The following LINGO2 variants were observed in gnomAD, a reference collection of about 807,000 sequenced individuals.
The protein encoded by LINGO2 is leucine rich repeat and Ig domain containing 2.
A neutral mutation model predicts 30.6 loss-of-function variants in LINGO2; 14 were observed. The ratio of observed to expected loss-of-function variants is 0.46; its 90% confidence interval spans 0.30 to 0.72. The LOEUF (loss-of-function observed/expected upper bound fraction) is 0.72, where lower values mean the gene tolerates loss of function less well. Among genes scored for constraint, LINGO2 ranks in the 30% least tolerant of loss-of-function variants. LINGO2 has a pLI of 0.07. For synonymous variants in LINGO2, 317 were observed against 288.5 expected (o/e 1.10, Z -1.00); for missense variants, 729 against 751.7 (o/e 0.97, Z 0.35).
Position 28,233,139 on chromosome 9 carries a change from C to CTG in LINGO2, c.-87+62067_-87+62068dup, listed in dbSNP as rs141778131. The stretch of plus-strand genomic sequence containing the variant: ...GTCTATGTGTGTGTGTATGTGTGGT[C>CTG]TGTGTGTGTGTGTGTGCGTATCTGT... On this transcript the variant is annotated intron_variant, in intron 4 of 5. Transcript: ENST00000379992. Among the ~76,000 whole-genome samples the CTG allele has an allele frequency of 6.0e-4, 82 of 137,644 alleles. 1 individual carries two copies. Among genetic ancestry groups the CTG allele is most frequent in the African/African-American group, 1.7e-3 (62 of 35,756 alleles). The allele number at this position is 137,644 out of a possible 152,430, so 90.3% of individuals were successfully genotyped here. A position where few individuals can be genotyped will look rare whatever the true frequency, so the allele number is the denominator to read the frequency against.
chr9:28,907,672 T>C, the LINGO2 span, among the ~76,000 whole-genome samples: 4 of 151,682 alleles, frequency 2.6e-5, no homozygotes, highest in African/African-American at 9.7e-5. Flanking sequence ...TCAATTACAA[T>C]ATTAAATGCA....
intron 4 of LINGO2, among the ~76,000 whole-genome samples, chr9:28,123,734 G>A (rs998196326): frequency 1.4e-4 from 21 of 151,986 alleles, no homozygotes; most frequent in Admixed American, 5.2e-4. Context: ...CGTGATCTCG[G>A]CTCACTGCAA....
At chr9:27,994,243 A>G (rs1170894430) in intron 5 of LINGO2, among the ~76,000 whole-genome samples, 1 of 152,108 alleles carries the variant, frequency 6.6e-6, no homozygotes, top group Non-Finnish European at 1.5e-5. Context: ...TCAAAGAACT[A>G]GAAAAGTGAG....
chr9:29,128,381 G>A, the LINGO2 span, among the ~76,000 whole-genome samples: 1 of 152,076 alleles, frequency 6.6e-6, no homozygotes, highest in African/African-American at 2.4e-5. Context: ...CCACTTGGCT[G>A]CATCCTCAAC....
chr9:28,800,595 T>G, the LINGO2 span, among the ~76,000 whole-genome samples: 1 of 152,172 alleles, frequency 6.6e-6, no homozygotes, highest in African/African-American at 2.4e-5. Context: ...ATGAAGGCAC[T>G]CAGAAGATTA....
chr9:28,185,699 C>T (rs1399349287), intron 4 of LINGO2, among the ~76,000 whole-genome samples: 3 of 152,062 alleles, frequency 2.0e-5, no homozygotes, highest in Non-Finnish European at 4.4e-5. Context: ...TTTTGTTTTT[C>T]TTGGGCACAT....
the LINGO2 span, among the ~76,000 whole-genome samples, chr9:28,963,027 A>G: frequency 6.6e-6 from 1 of 151,944 alleles, no homozygotes; most frequent in Non-Finnish European, 1.5e-5. Context: ...ATTGTCTCTA[A>G]GTAAGATACA....
At chr9:28,105,576 C>T (rs1188711478) in intron 4 of LINGO2, among the ~76,000 whole-genome samples, 2 of 152,112 alleles carry the variant, frequency 1.3e-5, no homozygotes, top group Non-Finnish European at 2.9e-5. Context: ...GTGTTCCCCC[C>T]AAATTCATAC....
At chr9:28,365,765 CTT>C (rs34259621) in intron 3 of LINGO2, among the ~76,000 whole-genome samples, 38,551 of 133,010 alleles carry the variant, frequency 0.29, 5,474 homozygotes, top group South Asian at 0.48. Context: ...TTTGGATCCT[CTT>C]TTTTTTTTTT....
chr9:28,389,281 A>G (rs377658503), intron 2 of LINGO2, among the ~76,000 whole-genome samples: 1 of 152,152 alleles, frequency 6.6e-6, no homozygotes, highest in Non-Finnish European at 1.5e-5. Flanking sequence ...CCACTTATCA[A>G]TGTATCTAGG....
intron 2 of LINGO2, among the ~76,000 whole-genome samples, chr9:28,432,703 T>C (rs1381333704): frequency 1.3e-5 from 2 of 152,164 alleles, no homozygotes; most frequent in Non-Finnish European, 2.9e-5. Flanking sequence ...ACATTAATCA[T>C]GAATGCAGAA....
intron 5 of LINGO2, among the ~76,000 whole-genome samples, chr9:27,984,868 A>C (rs1348274641): frequency 6.6e-6 from 1 of 151,890 alleles, no homozygotes; most frequent in Non-Finnish European, 1.5e-5. Flanking sequence ...TTTGAGTTTA[A>C]ATGACTTGCC....
chr9:28,367,243 T>G (rs1181948124), intron 3 of LINGO2, among the ~76,000 whole-genome samples: 1 of 152,210 alleles, frequency 6.6e-6, no homozygotes, highest in Non-Finnish European at 1.5e-5. Context: ...TCTATAAATC[T>G]GTCATTAATT....
Position 27,969,376 on chromosome 9 carries a change from C to T in LINGO2, c.-35-18670G>A, listed in dbSNP as rs150717000. Among the ~76,000 whole-genome samples, 80 of 152,030 alleles carry T rather than the reference C, an allele frequency of 5.3e-4. No individual in the cohort carries two copies. The East Asian group carries it at 0.014, about 27-fold the overall frequency. On this transcript the variant is annotated intron_variant, in intron 5 of 5. Transcript: ENST00000379992. Reference sequence around the variant, plus strand: ...TTAAAATAAGCCTGTTAGTGTCTAACGATGTGTGGCCAGAAAAAAAGAAAT... The same window carrying T: ...TTAAAATAAGCCTGTTAGTGTCTAATGATGTGTGGCCAGAAAAAAAGAAAT...
At chr9:28,088,220 A>T (rs1042723775) in intron 4 of LINGO2, among the ~76,000 whole-genome samples, 1 of 151,548 alleles carries the variant, frequency 6.6e-6, no homozygotes, top group African/African-American at 2.4e-5. Flanking sequence ...ACACACACAC[A>T]CACACACACA....
At chr9:28,045,819 G>T (rs1375630345) in intron 4 of LINGO2, among the ~76,000 whole-genome samples, 1 of 152,178 alleles carries the variant, frequency 6.6e-6, no homozygotes, top group Non-Finnish European at 1.5e-5. Context: ...TGGGTAAGCG[G>T]CAAGGGAATT....
At chr9:28,397,571 G>A (rs553893006) in intron 2 of LINGO2, among the ~76,000 whole-genome samples, 20 of 120,226 alleles carry the variant, frequency 1.7e-4, no homozygotes, top group Admixed American at 1.4e-3. Context: ...TTTTTGAGAC[G>A]GAGTCTCAGT....
At chr9:29,072,272 A>G in the LINGO2 span, among the ~76,000 whole-genome samples, 231 of 152,240 alleles carry the variant, frequency 1.5e-3, 1 homozygote, top group African/African-American at 5.3e-3. Context: ...ATTTCTTGAT[A>G]TATGTAATAG....
intron 2 of LINGO2, among the ~76,000 whole-genome samples, chr9:28,413,863 T>G (rs972847764): frequency 2.0e-5 from 3 of 152,088 alleles, no homozygotes; most frequent in African/African-American, 7.2e-5. Flanking sequence ...TGTTAATTAT[T>G]ATGATGATCA....
Sources: allele counts gnomAD v4.1 joint callset (sites outside exome capture counted in the v4.1 genomes callset), GRCh38; gene constraint gnomAD v4.1.1; transcripts MANE v1.5; gene names NCBI Gene and HGNC (gene_info 2026-07-23, HGNC 2026-07-21).